The following MAPT variants were observed in gnomAD, a reference collection of about 807,000 sequenced individuals.
The protein encoded by MAPT is microtubule associated protein tau.
Under a neutral mutation model 67.9 loss-of-function variants are expected in MAPT, and 34 were observed. That is an observed-to-expected ratio of 0.50 (90% CI 0.38 to 0.67). The LOEUF is 0.67. Ranked by LOEUF, MAPT falls within the 30% of genes least tolerant of loss-of-function variation. MAPT has a pLI of 0.00. For missense variants in MAPT, 881 were observed against 1,115.2 expected, an observed-to-expected ratio of 0.79 and a Z score of 2.99; for synonymous variants, 456 against 464.5, an observed-to-expected ratio of 0.98 and a Z score of 0.23.
At chr17:45,914,592 A>T (rs2065042311) in intron 1 of MAPT, among the ~76,000 whole-genome samples, 1 of 152,150 alleles carries the variant, frequency 6.6e-6, no homozygotes, top group Non-Finnish European at 1.5e-5. Flanking sequence ...ACATAGCCTA[A>T]CTCTGGAAGG....
chr17:45,985,695 T>C, intron 5 of MAPT: 1 of 985,426 alleles, frequency 1.0e-6, no homozygotes, highest in Non-Finnish European at 1.2e-6. Context: ...AGCAGATTCT[T>C]TTGTTGTGCC....
rs886053053 is a variant in MAPT at position 46,027,527 on chromosome 17, CTTG to C, written c.*3361_*3363del. The C allele has an allele frequency of 6.6e-6, 1 of 152,206 alleles. No homozygotes were observed. The highest frequency in any genetic ancestry group is 1.5e-5 in the Non-Finnish European group (1 of 68,110). The allele number at this position is 152,206 out of a possible 1,614,324, so 9.4% of individuals were successfully genotyped here. ...TGAGACTGTATCCTGTTTGCTATTG[CTTG>C]TTGTGCTATGGGGGGAGGGGGGAGG... is the stretch of plus-strand genomic sequence containing the variant. On this transcript the variant is annotated 3_prime_UTR_variant, in exon 13 of 13. Coordinates refer to ENST00000262410, the MANE Select transcript of MAPT (RefSeq NM_001377265.1).
At chr17:45,938,810 A>T (rs373548665) in intron 1 of MAPT, among the ~76,000 whole-genome samples, 2 of 118,104 alleles carry the variant, frequency 1.7e-5, no homozygotes, top group South Asian at 5.6e-4. Flanking sequence ...TGCCCAGCTA[A>T]TTTTTTTTTT....
intron 1 of MAPT, among the ~76,000 whole-genome samples, chr17:45,931,552 G>A (rs945596331): frequency 5.9e-5 from 9 of 152,102 alleles, no homozygotes; most frequent in Non-Finnish European, 8.8e-5. Context: ...AAAGTGAGAC[G>A]TCTGCAGAAG....
intron 1 of MAPT, among the ~76,000 whole-genome samples, chr17:45,916,013 G>A (rs1026018236): frequency 2.6e-5 from 4 of 152,154 alleles, no homozygotes; most frequent in African/African-American, 7.2e-5. Context: ...AGTAACTTCC[G>A]TGGGCGGATT....
At chr17:45,961,628 T>C (rs950901850) in intron 1 of MAPT, among the ~76,000 whole-genome samples, 4 of 152,088 alleles carry the variant, frequency 2.6e-5, no homozygotes, top group African/African-American at 7.2e-5. Context: ...ATGCTGTCCC[T>C]CTCCTGTTCA....
intron 1 of MAPT, among the ~76,000 whole-genome samples, chr17:45,924,399 T>C (rs1366243792): frequency 2.0e-5 from 3 of 152,226 alleles, no homozygotes; most frequent in Admixed American, 6.5e-5. Flanking sequence ...TGCGGTCGAC[T>C]CCCAGATATT....
intron 1 of MAPT, among the ~76,000 whole-genome samples, chr17:45,945,283 A>G (rs1329137163): frequency 1.3e-5 from 2 of 152,236 alleles, no homozygotes; most frequent in African/African-American, 4.8e-5. Flanking sequence ...AGGATTAAAC[A>G]AGATAAATGT....
chr17:45,919,992 A>G (rs1415780391), intron 1 of MAPT, among the ~76,000 whole-genome samples: 1 of 152,198 alleles, frequency 6.6e-6, no homozygotes, highest in Non-Finnish European at 1.5e-5. Flanking sequence ...ATGAAGTTCT[A>G]TCTTAGACAC....
intron 1 of MAPT, among the ~76,000 whole-genome samples, chr17:45,925,189 A>G (rs17650063): frequency 0.14 from 21,824 of 152,174 alleles, 2,138 homozygotes; most frequent in Middle Eastern, 0.22. Flanking sequence ...CACGTAGCAA[A>G]CCATTTCTTG....
At position 45,996,375 on chromosome 17, in the gene MAPT, T is replaced by C; in HGVS notation, c.1733-24T>C. 1 of 1,608,782 alleles carries C rather than the reference T, an allele frequency of 6.2e-7. No homozygotes were observed. Among genetic ancestry groups the C allele is most frequent in the Non-Finnish European group, 8.5e-7 (1 of 1,179,902 alleles). On this transcript the variant is annotated intron_variant, in intron 8 of 12. Coordinates refer to ENST00000262410, the MANE Select transcript of MAPT (RefSeq NM_001377265.1). The surrounding 1 kb of genome is among the most constrained non-coding windows in gnomAD (Gnocchi z 4.5). Reference sequence around the variant, plus strand: ...TGACCCCACCCACTCGAGTCCTGGCTTCACTCCCTTCCTTCCTTCCCAGGT... The same window carrying C: ...TGACCCCACCCACTCGAGTCCTGGCCTCACTCCCTTCCTTCCTTCCCAGGT...
rs2073138409 is a variant in MAPT at position 45,983,070 on chromosome 17, C to CAGGA, written c.492_495dup (p.Gly166ArgfsTer38). 7.2e-6 allele frequency: 11 copies of CAGGA among 1,533,768 alleles called. No individual in the cohort carries two copies. On this transcript the variant is annotated frameshift_variant, in exon 5 of 13. Coordinates refer to ENST00000262410, the MANE Select transcript of MAPT (RefSeq NM_001377265.1). LOFTEE classifies it high-confidence loss of function. The stretch of plus-strand genomic sequence containing the variant: ...CCCGTTTGCCCAGCGCCTCCTCCAA[C>CAGGA]AGGAGGCCCTCAGGAGCCCTCCCTG...
intron 1 of MAPT, chr17:45,907,729 G>A (rs1209656034): frequency 3.3e-5 from 5 of 152,130 alleles, no homozygotes; most frequent in Non-Finnish European, 5.9e-5. Flanking sequence ...CCAACTTAAC[G>A]CACTCCCCAT....
chr17:46,025,045 TGC>T lies in MAPT; in HGVS notation c.*875_*876del, dbSNP rs2076747595. The T allele has an allele frequency of 6.6e-6, 1 of 152,330 alleles. No homozygotes were observed. The highest frequency in any genetic ancestry group is 1.5e-5 in the Non-Finnish European group (1 of 68,158). 9.4% of individuals were successfully genotyped at this position (152,330 alleles called of 1,614,324 possible). ...GAGCGCTGGCCTCTTCCTCCCTCCC[TGC>T]AGGGTAGGGGGCCTGAGTTGAGGGG... On this transcript the variant is annotated 3_prime_UTR_variant, in exon 13 of 13. Transcript: ENST00000262410.
In MAPT at chr17:46,026,088, GAA is replaced by G. The variant is rs878859719; in HGVS notation, c.*1934_*1935del. The G allele has an allele frequency of 2.2e-4, 20 of 92,570 alleles. No homozygotes were observed. Among genetic ancestry groups the G allele is most frequent in the Admixed American group, 1.1e-3 (10 of 9,364 alleles). 5.7% of individuals were successfully genotyped at this position (92,570 alleles called of 1,614,324 possible). A position where few individuals can be genotyped will look rare whatever the true frequency, so the allele number is the denominator to read the frequency against. On this transcript the variant is annotated 3_prime_UTR_variant, in exon 13 of 13. Transcript: ENST00000262410. Reference sequence around the variant, plus strand: ...ACCAGAGTGACTATGATAGTGAAAAGAAAAAAAAAAAAAAAAAAGGACGCATG... The same window carrying G: ...ACCAGAGTGACTATGATAGTGAAAAGAAAAAAAAAAAAAAAAGGACGCATG...
chr17:45,993,946 A>G (rs747504779), intron 8 of MAPT: 6 of 1,577,004 alleles, frequency 3.8e-6, no homozygotes, highest in Non-Finnish European at 5.2e-6. Context: ...TCCAGAGAAG[A>G]CCACCCCCTG....
intron 1 of MAPT, among the ~76,000 whole-genome samples, chr17:45,936,869 G>A (rs960217308): frequency 2.0e-5 from 3 of 152,164 alleles, no homozygotes; most frequent in African/African-American, 7.2e-5. Flanking sequence ...GGCTATGAGA[G>A]CCACATATGC....
At chr17:45,961,462 G>A (rs2070402879) in intron 1 of MAPT, among the ~76,000 whole-genome samples, 3 of 152,104 alleles carry the variant, frequency 2.0e-5, no homozygotes, top group South Asian at 2.1e-4. Flanking sequence ...GTGAATGGGG[G>A]CCACAGCCTG....
chr17:45,941,407 A>C (rs971939241), intron 1 of MAPT, among the ~76,000 whole-genome samples: 2 of 152,050 alleles, frequency 1.3e-5, no homozygotes, highest in African/African-American at 4.8e-5. Flanking sequence ...CGTAGCACAG[A>C]GGCAGACTTC....
Sources: allele counts gnomAD v4.1 joint callset (sites outside exome capture counted in the v4.1 genomes callset), GRCh38; gene constraint gnomAD v4.1.1; non-coding constraint Gnocchi (gnomAD v3.1); transcripts MANE v1.5; gene names NCBI Gene and HGNC (gene_info 2026-07-23, HGNC 2026-07-21).